TENM2: variants seen among roughly 807,000 people sequenced by gnomAD.
The protein encoded by TENM2 is teneurin transmembrane protein 2.
Under a neutral mutation model 245.2 loss-of-function variants are expected in TENM2, and 52 were observed. The observed-to-expected ratio is 0.21, with a 90% CI of 0.17 to 0.27. The LOEUF (loss-of-function observed/expected upper bound fraction) is 0.27, where lower values mean the gene tolerates loss of function less well. TENM2 is among the 10% of genes least tolerant of loss of function. The pLI, the probability that TENM2 is intolerant of heterozygous loss-of-function variation, is 1.00. For missense variants in TENM2, 3,046 were observed against 3,666.8 expected (o/e 0.83, Z 4.37); for synonymous variants, 1,363 against 1,438.9 (o/e 0.95, Z 1.19).
At chr5:167,521,893 T>A (rs1342237261) in intron 2 of TENM2, among the ~76,000 whole-genome samples, 1 of 152,166 alleles carries the variant, frequency 6.6e-6, no homozygotes, top group Non-Finnish European at 1.5e-5. Flanking sequence ...TCTCTCTCTA[T>A]CTTTCTCTTA....
chr5:167,061,196 G>C, the TENM2 span, among the ~76,000 whole-genome samples: 1 of 152,062 alleles, frequency 6.6e-6, no homozygotes, highest in Non-Finnish European at 1.5e-5. Context: ...AGAGAAAGTA[G>C]TCTTTATCTT....
chr5:168,139,418 A>C (rs1010831930), intron 12 of TENM2: 1 of 451,668 alleles, frequency 2.2e-6, no homozygotes, highest in African/African-American at 2.0e-5. Flanking sequence ...AGATGCTTAT[A>C]ATCTAATTTA....
At chr5:167,557,617 G>A (rs1334274811) in intron 2 of TENM2, among the ~76,000 whole-genome samples, 1 of 152,176 alleles carries the variant, frequency 6.6e-6, no homozygotes, top group Non-Finnish European at 1.5e-5. Flanking sequence ...ATATGAGCCC[G>A]ATCCTAGCCT....
chr5:167,335,036 A>T (rs1757674678), intron 1 of TENM2, among the ~76,000 whole-genome samples: 1 of 152,198 alleles, frequency 6.6e-6, no homozygotes. Flanking sequence ...CCATTCTCAC[A>T]TTGCTATGAA....
In TENM2 at chr5:168,208,273, C is replaced by T. The variant is rs543624774; in HGVS notation, c.3825-3461C>T. Reference sequence around the variant, plus strand: ...ACACCTTACATAATTTTTGAAATTTCCATTTTTTTATTTTTTAAACATAAA... The same window carrying T: ...ACACCTTACATAATTTTTGAAATTTTCATTTTTTTATTTTTTAAACATAAA... On this transcript the variant is annotated intron_variant, in intron 19 of 28. Transcript: ENST00000518659. Among the ~76,000 whole-genome samples the T allele has an allele frequency of 2.7e-3, 413 of 152,250 alleles. 6 individuals carry two copies. Among genetic ancestry groups the T allele is most frequent in the African/African-American group, 9.5e-3 (393 of 41,548 alleles).
At chr5:167,203,138 G>A in the TENM2 span, among the ~76,000 whole-genome samples, 30,924 of 152,020 alleles carry the variant, frequency 0.2, 3,731 homozygotes, top group African/African-American at 0.33. Flanking sequence ...TAATCTTCCA[G>A]AGCACAGTCT....
intron 4 of TENM2, among the ~76,000 whole-genome samples, chr5:167,954,935 C>T (rs1780430756): frequency 6.6e-6 from 1 of 151,936 alleles, no homozygotes; most frequent in African/African-American, 2.4e-5. Context: ...CATATGTGTG[C>T]ATGTGTCTTT....
At chr5:167,071,407 T>A in the TENM2 span, among the ~76,000 whole-genome samples, 1 of 152,132 alleles carries the variant, frequency 6.6e-6, no homozygotes, top group Non-Finnish European at 1.5e-5. Context: ...AAGGCTGCAG[T>A]GTTTCTAAGG....
At chr5:167,714,114 C>A (rs1339920995) in intron 2 of TENM2, among the ~76,000 whole-genome samples, 1 of 152,144 alleles carries the variant, frequency 6.6e-6, no homozygotes, top group African/African-American at 2.4e-5. Context: ...AAGTGAGGGA[C>A]ATGGAATTGA....
At position 168,247,662 on chromosome 5, in the gene TENM2, G is replaced by A. The variant is rs574753620; in HGVS notation, c.6723G>A (p.Val2241=). The A allele has an allele frequency of 2.5e-6, 4 of 1,613,852 alleles. No individual in the cohort carries two copies. In the South Asian group the frequency reaches 4.4e-5, roughly 18 times the overall value. Residue 2241 remains valine (V), a synonymous_variant, in exon 27 of 29, where the codon GTG becomes GTA. Coordinates refer to ENST00000518659, the Ensembl canonical transcript of TENM2. The surrounding 1 kb of genome is among the most constrained non-coding windows in gnomAD (Gnocchi z 7.8). ...ACTTACTGAACCCAGGCAACAGTGT[G>A]CGCCTCATGCCCTTGCGCTATGACC... is the stretch of plus-strand genomic sequence containing the variant.
the TENM2 span, among the ~76,000 whole-genome samples, chr5:167,265,843 A>T: frequency 2.0e-5 from 3 of 152,092 alleles, no homozygotes; most frequent in Non-Finnish European, 4.4e-5. Context: ...TCATAGTCCC[A>T]TATTTTTGGA....
At chr5:167,152,870 A>C in the TENM2 span, among the ~76,000 whole-genome samples, 4 of 152,058 alleles carry the variant, frequency 2.6e-5, no homozygotes. Flanking sequence ...TATTTCTGGA[A>C]TTTTTCACGT....
At chr5:167,592,086 A>T (rs1287158417) in intron 2 of TENM2, among the ~76,000 whole-genome samples, 1 of 152,210 alleles carries the variant, frequency 6.6e-6, no homozygotes, top group Admixed American at 6.5e-5. Flanking sequence ...CCTTCTAATG[A>T]GGACTTTACC....
At chr5:168,077,927 C>T (rs1384224105) in intron 7 of TENM2, among the ~76,000 whole-genome samples, 2 of 152,190 alleles carry the variant, frequency 1.3e-5, no homozygotes, top group Non-Finnish European at 2.9e-5. Flanking sequence ...ATTTATAATC[C>T]TTTGGGTATA....
intron 25 of TENM2, among the ~76,000 whole-genome samples, chr5:168,238,326 A>T (rs1369078870): frequency 2.6e-5 from 4 of 151,426 alleles, no homozygotes; most frequent in African/African-American, 9.7e-5. Flanking sequence ...CTGACCCGGA[A>T]AGAAAATGAA....
intron 2 of TENM2, among the ~76,000 whole-genome samples, chr5:167,743,987 A>T (rs1400784830): frequency 6.6e-6 from 1 of 152,130 alleles, no homozygotes; most frequent in East Asian, 1.9e-4. Context: ...AATTGGAGAA[A>T]CCCATGTCTA....
At chr5:167,791,357 A>G (rs1300239440) in intron 2 of TENM2, among the ~76,000 whole-genome samples, 1 of 142,170 alleles carries the variant, frequency 7.0e-6, no homozygotes, top group Non-Finnish European at 1.5e-5. Flanking sequence ...GAAATATGTA[A>G]ATATTCCACA....
intron 2 of TENM2, 36 bp from the exon 5 acceptor site, chr5:167,875,950 A>C: frequency 6.8e-7 from 1 of 1,462,804 alleles, no homozygotes; most frequent in South Asian, 1.2e-5. Flanking sequence ...CGTGACACTC[A>C]TTGCTGACCT....
rs192928602 is a variant in TENM2, at chr5:168,182,005, T to A, written c.2570-8332T>A. Among the ~76,000 whole-genome samples the A allele has an allele frequency of 1.8e-4, 28 of 152,254 alleles. 1 individual carries two copies. In the East Asian group the frequency reaches 3.3e-3, roughly 18 times the overall value. ...TTTTACTTCTTGCAATATTTGAGAA[T>A]GGCCGTTGCTCTGTGCAGGGAAGGA... On this transcript the variant is annotated intron_variant, in intron 13 of 28. Transcript: ENST00000518659.
Sources: allele counts gnomAD v4.1 joint callset (sites outside exome capture counted in the v4.1 genomes callset), GRCh38; gene constraint gnomAD v4.1.1; non-coding constraint Gnocchi (gnomAD v3.1); transcripts MANE v1.5; gene names NCBI Gene and HGNC (gene_info 2026-07-23, HGNC 2026-07-21).